The following METTL16 variants were observed in gnomAD, a reference collection of about 807,000 sequenced individuals.
The protein encoded by METTL16 is RNA N(6)-adenosine-methyltransferase METTL16.
METTL16 carries 19 observed loss-of-function variants against 57.9 expected under a neutral mutation model. That is an observed-to-expected ratio of 0.33 (90% confidence interval 0.23 to 0.48). The LOEUF is 0.48. Among genes scored for constraint, METTL16 ranks in the 20% least tolerant of loss-of-function variants. The pLI, the probability that METTL16 is intolerant of heterozygous loss-of-function variation, is 0.99. For missense variants in METTL16, 434 were observed against 691.5 expected (o/e 0.63, Z 4.18); for synonymous variants, 246 against 255.6 (o/e 0.96, Z 0.36).
chr17:2,444,904 C>T (rs2066983332), intron 6 of METTL16, among the ~76,000 whole-genome samples: 1 of 152,006 alleles, frequency 6.6e-6, no homozygotes, highest in Non-Finnish European at 1.5e-5. Flanking sequence ...TTAGTAGTGA[C>T]AGGGTTTCAC....
At chr17:2,485,749 AAC>A (rs1166419985) in intron 2 of METTL16, among the ~76,000 whole-genome samples, 4 of 152,204 alleles carry the variant, frequency 2.6e-5, no homozygotes, top group African/African-American at 9.6e-5. Flanking sequence ...GCAGTAAGCA[AAC>A]ACAGACAATC....
At chr17:2,454,567 T>TA (rs2067095553) in intron 6 of METTL16, among the ~76,000 whole-genome samples, 2 of 146,070 alleles carry the variant, frequency 1.4e-5, no homozygotes, top group African/African-American at 5.0e-5. Flanking sequence ...ATTATTATTT[T>TA]TTTTTTTTTT....
At chr17:2,475,909 A>G (rs1385780732) in intron 3 of METTL16, among the ~76,000 whole-genome samples, 1 of 152,222 alleles carries the variant, frequency 6.6e-6, no homozygotes, top group Admixed American at 6.5e-5. Flanking sequence ...AATTAAAATC[A>G]AATTAGTACC....
At chr17:2,454,208 CT>C (rs1170225377) in intron 6 of METTL16, among the ~76,000 whole-genome samples, 1 of 152,106 alleles carries the variant, frequency 6.6e-6, no homozygotes, top group African/African-American at 2.4e-5. Flanking sequence ...CTCCAAAAAA[CT>C]TTTTTTCCCC....
chr17:2,430,410 C>A (rs1238513514), intron 8 of METTL16, among the ~76,000 whole-genome samples: 1 of 140,782 alleles, frequency 7.1e-6, no homozygotes, highest in Non-Finnish European at 1.5e-5. Flanking sequence ...TTTTAGAATT[C>A]TCTTTTTTTT....
chr17:2,492,007 C>G (rs930934822), intron 2 of METTL16, among the ~76,000 whole-genome samples: 2 of 151,050 alleles, frequency 1.3e-5, no homozygotes, highest in South Asian at 2.1e-4. Flanking sequence ...GTCAGGAGAT[C>G]GAGACCATCC....
chr17:2,442,005 C>T (rs1226138541), intron 6 of METTL16, among the ~76,000 whole-genome samples: 1 of 152,164 alleles, frequency 6.6e-6, no homozygotes, highest in Non-Finnish European at 1.5e-5. Flanking sequence ...ATAGATAATG[C>T]ATTTGAGTTT....
chr17:2,463,216 T>G (rs1173562204), intron 6 of METTL16, among the ~76,000 whole-genome samples: 2 of 152,188 alleles, frequency 1.3e-5, no homozygotes, highest in African/African-American at 2.4e-5. Flanking sequence ...GCAACAAATT[T>G]ATTCTGGTTC....
At chr17:2,470,073 G>C (rs1422167711) in intron 4 of METTL16, among the ~76,000 whole-genome samples, 1 of 152,040 alleles carries the variant, frequency 6.6e-6, no homozygotes, top group Non-Finnish European at 1.5e-5. Context: ...CTTATTTTAT[G>C]GTGTTCCTGT....
rs80214163 is a variant in METTL16 at position 2,468,231 on chromosome 17, T to G, written c.470-355A>C. 7.8e-4 allele frequency among the ~76,000 whole-genome samples: 119 copies of G among 152,358 alleles called. 1 individual carries two copies. In the East Asian group the frequency reaches 0.022, roughly 28 times the overall value. ...CAATGCATTTCTCAGAATATATCCC[T>G]GCTGTTAAGTAAGGTGTGACTGTAT... On this transcript the variant is annotated intron_variant, in intron 4 of 9. Coordinates refer to ENST00000263092, the MANE Select transcript of METTL16 (RefSeq NM_024086.4).
intron 8 of METTL16, among the ~76,000 whole-genome samples, chr17:2,425,586 T>C (rs1341822016): frequency 6.6e-6 from 1 of 152,072 alleles, no homozygotes; most frequent in East Asian, 1.9e-4. Flanking sequence ...ACACATTAGA[T>C]CACAGAAGCC....
chr17:2,435,299 G>A (rs927068361), intron 8 of METTL16, among the ~76,000 whole-genome samples: 1 of 152,150 alleles, frequency 6.6e-6, no homozygotes, highest in African/African-American at 2.4e-5. Flanking sequence ...TAAAATGGCG[G>A]GAGTGGGGGT....
chr17:2,436,079 G>A (rs1055340972), intron 8 of METTL16, among the ~76,000 whole-genome samples: 3 of 152,216 alleles, frequency 2.0e-5, no homozygotes, highest in East Asian at 3.9e-4. Context: ...TGTGGGAGGC[G>A]GGTGAAGCAG....
At chr17:2,467,977 A>G (rs1187307797) in intron 4 of METTL16, 101 bp from the exon 5 acceptor site, 6 of 782,476 alleles carry the variant, frequency 7.7e-6, no homozygotes, top group Non-Finnish European at 1.3e-5. Context: ...TGCATATATG[A>G]TGGTGGTCCC....
intron 6 of METTL16, among the ~76,000 whole-genome samples, chr17:2,449,846 C>T (rs985055808): frequency 6.6e-6 from 1 of 152,080 alleles, no homozygotes; most frequent in Admixed American, 6.6e-5. Context: ...ATTAATAAAC[C>T]AATAAAAAGG....
At chr17:2,510,931 C>T (rs1367530097) in intron 1 of METTL16, among the ~76,000 whole-genome samples, 2 of 152,126 alleles carry the variant, frequency 1.3e-5, no homozygotes, top group African/African-American at 4.8e-5. Context: ...ATATATTTTA[C>T]TTACTTTAAA....
rs764351584 is a variant in METTL16 at position 2,493,129 on chromosome 17, CT to C, written c.128+9074del. On this transcript the variant is annotated intron_variant, in intron 2 of 9. Transcript: ENST00000263092. The stretch of plus-strand genomic sequence containing the variant: ...TTGAGTTTATATTTTGGTGATTCTT[CT>C]TTTTTTTTTTTTTTTTGAGACAATT... 6.8e-3 allele frequency among the ~76,000 whole-genome samples: 902 copies of C among 132,832 alleles called. 15 individuals are homozygous for C. The highest frequency in any genetic ancestry group is 0.066 in the East Asian group (289 of 4,374). 87.1% of individuals were successfully genotyped at this position (132,832 alleles called of 152,430 possible). A position where few individuals can be genotyped will look rare whatever the true frequency, so the allele number is the denominator to read the frequency against.
chr17:2,447,951 G>A (rs2067023071), intron 6 of METTL16, among the ~76,000 whole-genome samples: 3 of 113,608 alleles, frequency 2.6e-5, no homozygotes, highest in African/African-American at 1.2e-4. Context: ...GAGGGAGGTG[G>A]GGGGATCAGC....
chr17:2,506,508 CAGCT>C (rs2067536467), intron 1 of METTL16, among the ~76,000 whole-genome samples: 1 of 33,982 alleles, frequency 2.9e-5, no homozygotes, highest in Non-Finnish European at 2.1e-4. Context: ...GGCTGGTCTC[CAGCT>C]CCTAACCGCG....
Sources: gnomAD v4.1 joint callset for allele counts (sites outside exome capture counted in the v4.1 genomes callset) on GRCh38, gnomAD v4.1.1 for gene constraint, MANE v1.5 for transcripts, NCBI Gene and HGNC (gene_info 2026-07-23, HGNC 2026-07-21) for gene names.